ADCY10: variants seen among roughly 807,000 people sequenced by gnomAD.
ADCY10 encodes the protein adenylate cyclase type 10.
A neutral mutation model predicts 183.3 loss-of-function variants in ADCY10; 156 were observed. The ratio of observed to expected loss-of-function variants is 0.85; its 90% CI spans 0.75 to 0.97. The LOEUF (loss-of-function observed/expected upper bound fraction) is 0.97. ADCY10 is among the 50% of genes least tolerant of loss of function. ADCY10 has a pLI of 0.00. For missense variants in ADCY10, 1,745 were observed against 1,934.3 expected, an observed-to-expected ratio of 0.90 and a Z score of 1.84; for synonymous variants, 645 against 670.0, an observed-to-expected ratio of 0.96 and a Z score of 0.58.
In ADCY10 at chr1:167,867,327, G is replaced by A. The variant is rs577327889; in HGVS notation, c.1616+2930C>T. Among the ~76,000 whole-genome samples the A allele has an allele frequency of 6.4e-4, 97 of 152,258 alleles. 3 individuals carry two copies. The South Asian group carries it at 0.02, about 31-fold the overall frequency. ...GAAGCTGACTGGTCCACGCACGGCCGAAGCATGAGAAAACTCATCACGGGA... is the reference window on the plus strand; with the variant it reads ...GAAGCTGACTGGTCCACGCACGGCCAAAGCATGAGAAAACTCATCACGGGA... On this transcript the variant is annotated intron_variant, in intron 14 of 32. Transcript: ENST00000367851.
chr1:167,889,183 C>G (rs1250903266), intron 8 of ADCY10, among the ~76,000 whole-genome samples: 2 of 152,122 alleles, frequency 1.3e-5, no homozygotes, highest in African/African-American at 4.8e-5. Context: ...TAGTTTCTCC[C>G]TATTCATTAT....
intron 18 of ADCY10, 89 bp downstream of exon 18, chr1:167,854,264 G>T: frequency 6.6e-7 from 1 of 1,522,088 alleles, no homozygotes; most frequent in Non-Finnish European, 9.1e-7. Context: ...GAAGCAGCCT[G>T]TGGAATAGCT....
chr1:167,905,021 G>A lies in ADCY10; in HGVS notation c.120C>T (p.Asp40=), dbSNP rs777692327. 31 of 1,614,036 alleles carry A rather than the reference G, an allele frequency of 1.9e-5. No homozygotes were observed. Among genetic ancestry groups the A allele is most frequent in the East Asian group, 1.6e-4 (7 of 44,890 alleles). The change falls in exon 2 of 33, where the codon GAC becomes GAT. Residue 40 remains aspartate, a synonymous_variant. Transcript: ENST00000367851. The part of the protein sequence containing the change: ...SPERPFMDYF[D]GVLMFVDISG... ...AAATATCAACAAACATCAGGACTCC[G>A]TCAAAATAATCCATAAAGGGTCGCT...
rs745937549 is a variant in ADCY10 at position 167,836,536 on chromosome 1, C to T, written c.3082G>A (p.Glu1028Lys). The T allele has an allele frequency of 5.7e-6, 9 of 1,578,266 alleles. No individual in the cohort carries two copies. The highest frequency in any genetic ancestry group is 7.8e-6 in the Non-Finnish European group (9 of 1,147,668). Residue 1028 changes from glutamate (E) to lysine (K), a missense_variant, in exon 23 of 33, where the codon GAA becomes AAA. Glu to Lys is a moderately conservative substitution (Grantham distance 56, BLOSUM62 1). Transcript: ENST00000367851. Reference protein sequence around the residue: ...SAFFPENRSPEEIREKILNFF... With the variant: ...SAFFPENRSPKEIREKILNFF... ...TTCAAGATCTTTTCTCTTATTTCTTCAGGACTGTCCATATGCAGAAATAAA... is the reference window on the plus strand; with the variant it reads ...TTCAAGATCTTTTCTCTTATTTCTTTAGGACTGTCCATATGCAGAAATAAA...
rs540976762 is a variant in ADCY10 at position 167,908,557 on chromosome 1, C to T, written c.-58-3359G>A. 3.9e-5 allele frequency among the ~76,000 whole-genome samples: 6 copies of T among 152,256 alleles called. No homozygotes were observed. In the East Asian group the frequency reaches 9.6e-4, roughly 24 times the overall value. The stretch of plus-strand genomic sequence containing the variant: ...TAAGAGAGTAGATCTTAACTGTTCT[C>T]ACCACACAAAAATGTTAAGTATGTG... On this transcript the variant is annotated intron_variant, in intron 1 of 32. Transcript: ENST00000367851.
chr1:167,853,830 C>CTTTTTTTTTTT (rs538462140), intron 18 of ADCY10, among the ~76,000 whole-genome samples: 923 of 77,164 alleles, frequency 0.012, 106 homozygotes, highest in African/African-American at 0.016. Context: ...ACTATAGTTA[C>CTTTTTTTTTTT]TTTTTTTTTT....
intron 23 of ADCY10, chr1:167,834,302 T>G (rs1026694298): frequency 3.4e-6 from 2 of 589,908 alleles, no homozygotes; most frequent in African/African-American, 1.9e-5. Context: ...GCTGGATCAC[T>G]CCATCAAGAG....
chr1:167,824,977 C>T, intron 26 of ADCY10, 122 bp from the exon 27 acceptor site: 2 of 986,562 alleles, frequency 2.0e-6, no homozygotes, highest in South Asian at 1.3e-5. Flanking sequence ...GGACATTTGG[C>T]CGAAGCCATG....
intron 13 of ADCY10, among the ~76,000 whole-genome samples, chr1:167,872,992 C>A (rs1667209768): frequency 6.6e-6 from 1 of 151,794 alleles, no homozygotes; most frequent in Non-Finnish European, 1.5e-5. Flanking sequence ...ATCGCTTGAA[C>A]CCGGGACGCA....
chr1:167,810,956 G>T (rs1301054119), intron 31 of ADCY10, 43 bp from the exon 32 acceptor site: 5 of 1,577,640 alleles, frequency 3.2e-6, no homozygotes, highest in East Asian at 4.5e-5. Context: ...AATTAAACAG[G>T]GGTCCTTGAC....
At chr1:167,895,110 A>T (rs1668870690) in intron 7 of ADCY10, among the ~76,000 whole-genome samples, 1 of 147,640 alleles carries the variant, frequency 6.8e-6, no homozygotes, top group African/African-American at 2.5e-5. Context: ...TGAACCCGGG[A>T]GGCAGAGGTT....
At chr1:167,904,063 G>T in intron 2 of ADCY10, 72 bp from the exon 3 acceptor site, 1 of 922,544 alleles carries the variant, frequency 1.1e-6, no homozygotes, top group Non-Finnish European at 1.7e-6. Flanking sequence ...GGACTACCCT[G>T]GAAGGCAGCG....
intron 6 of ADCY10, 146 bp downstream of exon 6, chr1:167,899,277 A>G: frequency 1.3e-6 from 1 of 794,848 alleles, no homozygotes; most frequent in Non-Finnish European, 2.1e-6. Context: ...CCCTGGACTA[A>G]AGCCTCTGTA....
chr1:167,856,916 T>C (rs1170239453), intron 16 of ADCY10, among the ~76,000 whole-genome samples: 1 of 152,248 alleles, frequency 6.6e-6, no homozygotes, highest in African/African-American at 2.4e-5. Context: ...CTCGCCCTGC[T>C]GGCAGCCGAT....
intron 8 of ADCY10, among the ~76,000 whole-genome samples, chr1:167,893,052 A>T (rs922243977): frequency 6.6e-6 from 1 of 152,244 alleles, no homozygotes; most frequent in African/African-American, 2.4e-5. Flanking sequence ...GATAGTTATA[A>T]TTCACATGGA....
At chr1:167,827,184 CT>C (rs1324403355) in intron 26 of ADCY10, among the ~76,000 whole-genome samples, 1 of 150,328 alleles carries the variant, frequency 6.7e-6, no homozygotes, top group Non-Finnish European at 1.5e-5. Flanking sequence ...TTTTTTTTTC[CT>C]GAGATGGAGT....
rs917359544 is a variant in ADCY10 at position 167,844,792 on chromosome 1, A to T, written c.3007+771T>A. On this transcript the variant is annotated intron_variant, in intron 21 of 32. Transcript: ENST00000367851. Reference sequence around the variant, plus strand: ...CTGATTTTTAATATCCTTATAATATAGGAGTCCTCTACTTGTAGCCTCTGA... The same window carrying T: ...CTGATTTTTAATATCCTTATAATATTGGAGTCCTCTACTTGTAGCCTCTGA... Among the ~76,000 whole-genome samples the T allele has an allele frequency of 3.3e-5, 5 of 152,306 alleles. No homozygotes were observed. The East Asian group carries it at 7.7e-4, about 24-fold the overall frequency.
intron 25 of ADCY10, 142 bp downstream of exon 25, chr1:167,832,845 C>T: frequency 1.2e-6 from 1 of 832,408 alleles, no homozygotes; most frequent in South Asian, 1.6e-5. Flanking sequence ...CCACACTCGC[C>T]CCCTCCCCAG....
chr1:167,903,685 A>T (rs918197526), intron 3 of ADCY10, among the ~76,000 whole-genome samples: 5 of 152,192 alleles, frequency 3.3e-5, no homozygotes, highest in African/African-American at 9.6e-5. Context: ...CTTCCCTCAA[A>T]TAGTCTGTAT....
Sources: gnomAD v4.1 joint callset for allele counts (sites outside exome capture counted in the v4.1 genomes callset) on GRCh38, gnomAD v4.1.1 for gene constraint, MANE v1.5 for transcripts, NCBI Gene and HGNC (gene_info 2026-07-23, HGNC 2026-07-21) for gene names.